Variants in POTEF observed in about 807,000 individuals in gnomAD.
POTEF encodes the protein ANKRD26-like family C member 1B.
In POTEF, 20 loss-of-function variants were observed where a neutral mutation model predicts 83.2. The observed-to-expected ratio is 0.24, with a 90% CI of 0.17 to 0.35. POTEF has a LOEUF of 0.35. Among genes scored for constraint, POTEF ranks in the 10% least tolerant of loss-of-function variants. The pLI is 1.00. For synonymous variants in POTEF, 196 were observed against 446.4 expected (o/e 0.44, Z 7.07); for missense variants, 550 against 1,203.2 (o/e 0.46, Z 8.03).
At position 130,111,706 on chromosome 2, in the gene POTEF, G is replaced by A. The variant is rs553260150; in HGVS notation, c.917+289C>T. ...GTCATAAAGTAAACTAAAAGTTAAA[G>A]TTCAAACTTCATAAAATTAATATGA... On this transcript the variant is annotated intron_variant, in intron 6 of 16. Transcript: ENST00000409914. 4.3e-4 allele frequency among the ~76,000 whole-genome samples: 65 copies of A among 149,806 alleles called. 1 individual carries two copies. The South Asian group carries it at 6.1e-3, about 14-fold the overall frequency.
intron 8 of POTEF, among the ~76,000 whole-genome samples, chr2:130,105,586 C>G (rs1350656387): frequency 6.6e-6 from 1 of 151,018 alleles, no homozygotes; most frequent in African/African-American, 2.5e-5. Context: ...TGTTTGCTTA[C>G]ATATAATCAT....
intron 5 of POTEF, among the ~76,000 whole-genome samples, chr2:130,112,934 C>T (rs1300339438): frequency 6.6e-6 from 1 of 151,932 alleles, no homozygotes; most frequent in Non-Finnish European, 1.5e-5. Flanking sequence ...CCTGAGAGGG[C>T]CATCCTCTAC....
At chr2:130,105,389 A>C (rs1021199055) in intron 8 of POTEF, among the ~76,000 whole-genome samples, 7 of 151,602 alleles carry the variant, frequency 4.6e-5, no homozygotes, top group African/African-American at 1.7e-4. Flanking sequence ...CTTGTAATAC[A>C]TTGATGCTAC....
intron 8 of POTEF, 96 bp downstream of exon 8, chr2:130,107,913 C>A (rs1427893785): frequency 3.9e-6 from 6 of 1,544,808 alleles, no homozygotes; most frequent in East Asian, 2.3e-5. Context: ...CCACCCTCCC[C>A]CAGCCCATGG....
chr2:130,122,659 T>G (rs1685023648), intron 2 of POTEF, among the ~76,000 whole-genome samples: 1 of 151,600 alleles, frequency 6.6e-6, no homozygotes, highest in Admixed American at 6.6e-5. Context: ...ATTAATTTTT[T>G]CAATTGATAT....
chr2:130,120,186 C>T lies in POTEF; in HGVS notation c.330G>A (p.Arg110=), dbSNP rs752510843. Residue 110 remains arginine (R), a synonymous_variant, in exon 3 of 17, where the codon AGG becomes AGA. Transcript: ENST00000409914. ...CGCCCACCTTGCTCTTGCTGCTCCC[C>T]CTGCAGCAGGGGAAGCAGTGGCAGC... ...KWCCHCFPCC[R]GSSKSKVGAW... is the part of the protein sequence containing the mutation. 2 of 1,597,136 alleles carry T rather than the reference C, an allele frequency of 1.3e-6. No homozygotes were observed.
intron 15 of POTEF, among the ~76,000 whole-genome samples, chr2:130,083,072 AC>A (rs1683931970): frequency 7.6e-6 from 1 of 130,800 alleles, no homozygotes; most frequent in African/African-American, 3.2e-5. Flanking sequence ...ACGGTGGCTC[AC>A]GCCTGTAATC....
chr2:130,115,475 T>C (rs544333065), intron 3 of POTEF, 147 bp from the exon 4 acceptor site: 230 of 1,092,410 alleles, frequency 2.1e-4, no homozygotes, highest in Middle Eastern at 9.1e-4. Flanking sequence ...AAGCACACTA[T>C]TTATTATCTC....
rs534751551 is a variant in POTEF at position 130,120,202 on chromosome 2, C to G, written c.314G>C (p.Cys105Ser). The change falls in exon 3 of 17, where the codon TGC (cysteine) becomes TCC (serine). Residue 105 changes from cysteine (C) to serine (S), a missense_variant. Coordinates refer to ENST00000409914, the MANE Select transcript of POTEF (RefSeq NM_001099771.2). Reference sequence around the variant, plus strand: ...GCTGCTCCCCCTGCAGCAGGGGAAGCAGTGGCAGCACCACTTGCCCATCTT... The same window carrying G: ...GCTGCTCCCCCTGCAGCAGGGGAAGGAGTGGCAGCACCACTTGCCCATCTT... ...RNKMGKWCCH[C>S]FPCCRGSSKS... 6.3e-7 allele frequency: 1 copy of G among 1,598,368 alleles called. No homozygotes were observed. The highest frequency in any genetic ancestry group is 8.5e-7 in the Non-Finnish European group (1 of 1,174,660).
chr2:130,104,130 T>C (rs1026967086), intron 8 of POTEF, among the ~76,000 whole-genome samples: 3 of 150,714 alleles, frequency 2.0e-5, no homozygotes, highest in African/African-American at 7.5e-5. Context: ...GCTGAGATGA[T>C]ACTATGTAGC....
chr2:130,095,200 T>G (rs1267558727), intron 11 of POTEF, among the ~76,000 whole-genome samples: 1 of 91,312 alleles, frequency 1.1e-5, no homozygotes, highest in Non-Finnish European at 2.2e-5. Context: ...GTTAATTTTT[T>G]TGTATTTTTA....
chr2:130,075,133 T>C lies in POTEF; in HGVS notation c.2339A>G (p.Asp780Gly), dbSNP rs773195673. 6.2e-7 allele frequency: 1 copy of C among 1,613,578 alleles called. No homozygotes were observed. Among genetic ancestry groups the C allele is most frequent in the South Asian group, 1.1e-5 (1 of 91,068 alleles). ...GTGGTGCCAGATCTTCTCCATGTCA[T>C]CCCAGTTGGTGATGATGCCGTGTTC... Reference protein sequence around the residue: ...PMEHGIITNWDDMEKIWHHTF... With the variant: ...PMEHGIITNWGDMEKIWHHTF... Residue 780 changes from aspartate (D) to glycine (G), a missense_variant, in exon 17 of 17, where the codon GAT becomes GGT. Physicochemically the swap from Asp to Gly is moderately conservative, Grantham distance 94. Transcript: ENST00000409914.
chr2:130,125,626 T>G (rs1685074449), intron 2 of POTEF, among the ~76,000 whole-genome samples: 1 of 151,812 alleles, frequency 6.6e-6, no homozygotes, highest in African/African-American at 2.4e-5. Context: ...TAATAAAGCC[T>G]TGTTTTTGGT....
chr2:130,103,049 TA>T (rs1684416329), intron 8 of POTEF, among the ~76,000 whole-genome samples: 1 of 150,872 alleles, frequency 6.6e-6, no homozygotes, highest in African/African-American at 2.5e-5. Flanking sequence ...TCCCAATATC[TA>T]AAATGTTTTC....
chr2:130,115,595 T>G (rs1174574476), intron 3 of POTEF, among the ~76,000 whole-genome samples: 2 of 152,172 alleles, frequency 1.3e-5, no homozygotes, highest in Non-Finnish European at 2.9e-5. Context: ...TGTCACTTCC[T>G]GGCTGTTGCT....
At position 130,120,475 on chromosome 2, in the gene POTEF, A is replaced by G. The variant is rs1684971422; in HGVS notation, c.41T>C (p.Val14Ala). The change falls in exon 3 of 17, where the codon GTG becomes GCG. Residue 14 changes from valine (V) to alanine (A), a missense_variant. Val to Ala is a moderately conservative substitution (Grantham distance 64). Transcript: ENST00000409914. ...EVDSMPAASS[V>A]KKPFGLRSKM... ...GCTCCTGAGACCAAATGGCTTCTTC[A>G]CAGAAGAGGCAGCCGGCATGGAATC... 6 of 1,613,510 alleles carry G rather than the reference A, an allele frequency of 3.7e-6. No individual in the cohort carries two copies. Among genetic ancestry groups the G allele is most frequent in the Non-Finnish European group, 5.1e-6 (6 of 1,179,844 alleles).
intron 2 of POTEF, among the ~76,000 whole-genome samples, chr2:130,125,862 G>C (rs1685079040): frequency 6.6e-6 from 1 of 150,604 alleles, no homozygotes; most frequent in Non-Finnish European, 1.5e-5. Context: ...GCCAAGATCG[G>C]GCCATCGTAC....
In POTEF at chr2:130,120,368, C is replaced by T. The variant is rs757986535; in HGVS notation, c.148G>A (p.Asp50Asn). 9 of 1,602,166 alleles carry T rather than the reference C, an allele frequency of 5.6e-6. No individual in the cohort carries two copies. In the Admixed American group the frequency reaches 6.7e-5, roughly 12 times the overall value. Residue 50 changes from aspartate to asparagine, a missense_variant, in exon 3 of 17, where the codon GAC becomes AAC. Coordinates refer to ENST00000409914, the MANE Select transcript of POTEF (RefSeq NM_001099771.2). ...CTGAGTGTCTTCATAGCAGAGTCGT[C>T]GTGGTCTCCAGAAGTGCCCACGTTG... ...KSNVGTSGDH[D>N]DSAMKTLRSK...
At chr2:130,126,488 T>C (rs1685096603) in intron 2 of POTEF, among the ~76,000 whole-genome samples, 1 of 152,058 alleles carries the variant, frequency 6.6e-6, no homozygotes, top group African/African-American at 2.4e-5. Flanking sequence ...GCTTCATTTT[T>C]TGATTCTCTG....
Sources: allele counts gnomAD v4.1 joint callset (sites outside exome capture counted in the v4.1 genomes callset), GRCh38; gene constraint gnomAD v4.1.1; transcripts MANE v1.5; gene names NCBI Gene and HGNC (gene_info 2026-07-23, HGNC 2026-07-21).